CD86: variants seen among roughly 807,000 people sequenced by gnomAD.
The protein encoded by CD86 is CD86 molecule.
Under a neutral mutation model 32.1 loss-of-function variants are expected in CD86, and 11 were observed. The ratio of observed to expected loss-of-function variants is 0.34; its 90% confidence interval spans 0.22 to 0.57. The LOEUF (loss-of-function observed/expected upper bound fraction) is 0.57, where lower values mean the gene tolerates loss of function less well. Ranked by LOEUF, CD86 falls within the 20% of genes least tolerant of loss-of-function variation. CD86 has a pLI of 0.86. For missense variants in CD86, 359 were observed against 398.4 expected (o/e 0.90, Z 0.84); for synonymous variants, 137 against 135.3 (o/e 1.01, Z -0.09).
chr3:122,108,931 A>C (rs981589766), intron 4 of CD86, among the ~76,000 whole-genome samples: 1 of 152,212 alleles, frequency 6.6e-6, no homozygotes, highest in Admixed American at 6.5e-5. Context: ...AAATGACTGC[A>C]CGTGCAGAGC....
In CD86 at chr3:122,103,447, G is replaced by A. The variant is rs988531590; in HGVS notation, c.65-65G>A. The A allele has an allele frequency of 9.6e-6, 10 of 1,044,336 alleles. No individual in the cohort carries two copies. The East Asian group carries it at 1.4e-4, about 15-fold the overall frequency. The allele number at this position is 1,044,336 out of a possible 1,614,324, so 64.7% of individuals were successfully genotyped here. On this transcript the variant is annotated intron_variant, in intron 2 of 6. Coordinates refer to ENST00000330540, the MANE Select transcript of CD86 (RefSeq NM_175862.5). ...ATAGTATCTGGGTATTGTATAAAGA[G>A]AAATGGAGGTTTTTTCCCCTTTCCT...
chr3:122,077,577 T>G (rs1480898209), intron 1 of CD86, among the ~76,000 whole-genome samples: 1 of 152,236 alleles, frequency 6.6e-6, no homozygotes, highest in Non-Finnish European at 1.5e-5. Context: ...GTCACATGGT[T>G]GCCCACATTT....
At chr3:122,099,283 T>C (rs1043095431) in intron 2 of CD86, among the ~76,000 whole-genome samples, 1 of 145,882 alleles carries the variant, frequency 6.9e-6, no homozygotes. Flanking sequence ...GCTCAAGCCT[T>C]GGCCATGGTG....
intron 1 of CD86, among the ~76,000 whole-genome samples, chr3:122,072,863 G>A (rs1206278161): frequency 6.6e-6 from 1 of 151,934 alleles, no homozygotes; most frequent in Non-Finnish European, 1.5e-5. Flanking sequence ...TATGGTTTTA[G>A]GTCTAATGTT....
At chr3:122,086,539 T>A in intron 1 of CD86, 1 of 463,546 alleles carries the variant, frequency 2.2e-6, no homozygotes. Context: ...CCAGAGCTCT[T>A]CTAGATATGG....
chr3:122,108,656 G>C (rs148799928), intron 4 of CD86, among the ~76,000 whole-genome samples: 1 of 152,166 alleles, frequency 6.6e-6, no homozygotes, highest in African/African-American at 2.4e-5. Flanking sequence ...AGGCGTGAAG[G>C]TTCCTCAAGG....
At chr3:122,062,242 G>A (rs748386396) in intron 1 of CD86, among the ~76,000 whole-genome samples, 8 of 152,122 alleles carry the variant, frequency 5.3e-5, no homozygotes, top group African/African-American at 1.7e-4. Flanking sequence ...TGCAATAAGA[G>A]GATACTTTCG....
chr3:122,086,933 C>T (rs1303587501), intron 1 of CD86, among the ~76,000 whole-genome samples: 1 of 152,118 alleles, frequency 6.6e-6, no homozygotes, highest in African/African-American at 2.4e-5. Context: ...GAAAGAAACA[C>T]AGGCTGCATG....
intron 1 of CD86, among the ~76,000 whole-genome samples, chr3:122,084,303 T>C (rs1043620905): frequency 7.2e-5 from 11 of 152,328 alleles, no homozygotes; most frequent in African/African-American, 2.4e-4. Context: ...ATATTCTTAC[T>C]GGACAGTGCT....
intron 1 of CD86, among the ~76,000 whole-genome samples, chr3:122,072,118 C>T (rs867534320): frequency 6.0e-4 from 91 of 150,702 alleles, no homozygotes; most frequent in African/African-American, 2.1e-3. Context: ...TTTTCTTAAT[C>T]CAGTCTATCA....
chr3:122,103,707 G>C lies in CD86; in HGVS notation c.260G>C (p.Ser87Thr). Residue 87 changes from serine to threonine, a missense_variant, in exon 3 of 7, where the codon AGT (serine) becomes ACT (threonine). Physicochemically the swap from Ser to Thr is moderately conservative, Grantham distance 58. Coordinates refer to ENST00000330540, the MANE Select transcript of CD86 (RefSeq NM_175862.5). ...CATTCCAAGTATATGGGCCGCACAA[G>C]TTTTGATTCGGACAGTTGGACCCTG... is the stretch of plus-strand genomic sequence containing the variant. The part of the protein sequence containing the change: ...SVHSKYMGRT[S>T]FDSDSWTLRL... 6.2e-7 allele frequency: 1 copy of C among 1,614,082 alleles called. No individual in the cohort carries two copies. Among genetic ancestry groups the C allele is most frequent in the Non-Finnish European group, 8.5e-7 (1 of 1,179,934 alleles).
rs182040269 is a variant in CD86, at chr3:122,086,557, G to A, written c.15-5044G>A. The A allele has an allele frequency of 5.0e-4, 236 of 473,468 alleles. 1 individual carries two copies. The highest frequency in any genetic ancestry group is 2.9e-4 in the Non-Finnish European group (69 of 235,204). 29.3% of individuals were successfully genotyped at this position (473,468 alleles called of 1,614,324 possible). On this transcript the variant is annotated intron_variant, in intron 1 of 6. Transcript: ENST00000330540. ...GAGCTCTTCTAGATATGGCTTAGAT[G>A]GTCCACAGTAGTGTGCACCTGAAGC...
intron 4 of CD86, among the ~76,000 whole-genome samples, chr3:122,106,889 A>G (rs2107542261): frequency 6.8e-6 from 1 of 146,932 alleles, no homozygotes; most frequent in South Asian, 2.2e-4. Flanking sequence ...ACATGCAGAC[A>G]TACAAATGAT....
Position 122,119,490 on chromosome 3 carries a change from A to G in CD86, c.946A>G (p.Ser316Gly). 6.2e-7 allele frequency: 1 copy of G among 1,611,842 alleles called. No individual in the cohort carries two copies. Among genetic ancestry groups the G allele is most frequent in the Admixed American group, 1.7e-5 (1 of 60,022 alleles). Residue 316 changes from serine to glycine, a missense_variant, in exon 7 of 7, where the codon AGT (serine) becomes GGT (glycine). Physicochemically the swap from Ser to Gly is moderately conservative, Grantham distance 56. Transcript: ENST00000330540. The part of the protein sequence containing the change: ...RSDEAQRVFK[S>G]SKTSSCDKSD... ...TGATGAAGCCCAGCGTGTTTTTAAA[A>G]GTTCGAAGACATCTTCATGCGACAA...
At chr3:122,056,083 A>G (rs2072229605) in intron 1 of CD86, among the ~76,000 whole-genome samples, 1 of 152,126 alleles carries the variant, frequency 6.6e-6, no homozygotes, top group South Asian at 2.1e-4. Flanking sequence ...TACTAGTGCT[A>G]TTTCATTGAA....
chr3:122,089,921 A>T (rs2072785577), intron 1 of CD86, among the ~76,000 whole-genome samples: 1 of 152,214 alleles, frequency 6.6e-6, no homozygotes, highest in Non-Finnish European at 1.5e-5. Flanking sequence ...TGTGTGCAAA[A>T]CCGTACATAG....
At chr3:122,106,954 A>C (rs942442544) in intron 4 of CD86, among the ~76,000 whole-genome samples, 2 of 152,132 alleles carry the variant, frequency 1.3e-5, no homozygotes, top group African/African-American at 4.8e-5. Context: ...GAGTGAAAAC[A>C]AAAAGATATG....
At chr3:122,096,484 T>G (rs1241708875) in intron 2 of CD86, among the ~76,000 whole-genome samples, 1 of 152,212 alleles carries the variant, frequency 6.6e-6, no homozygotes. Context: ...TTATTGATTT[T>G]ATGTCGATAG....
chr3:122,080,185 T>C (rs2107515691), intron 1 of CD86, among the ~76,000 whole-genome samples: 1 of 152,260 alleles, frequency 6.6e-6, no homozygotes, highest in East Asian at 1.9e-4. Flanking sequence ...GGCTCCCTTT[T>C]AGTGAGTTCT....
Sources: gnomAD v4.1 joint callset for allele counts (sites outside exome capture counted in the v4.1 genomes callset) on GRCh38, gnomAD v4.1.1 for gene constraint, MANE v1.5 for transcripts, NCBI Gene and HGNC (gene_info 2026-07-23, HGNC 2026-07-21) for gene names.